SMOX: variants seen among roughly 807,000 people sequenced by gnomAD.
SMOX encodes the protein spermine oxidase.
A neutral mutation model predicts 51.0 loss-of-function variants in SMOX; 22 were observed. That is an observed-to-expected ratio of 0.43 (90% CI 0.31 to 0.62). The LOEUF (loss-of-function observed/expected upper bound fraction) is 0.62, where lower values mean the gene tolerates loss of function less well. SMOX is among the 20% of genes least tolerant of loss of function. The pLI is 0.10. For missense variants in SMOX, 566 were observed against 777.7 expected (o/e 0.73, Z 3.24); for synonymous variants, 282 against 307.8 (o/e 0.92, Z 0.88).
rs1265515043 is a variant in SMOX at position 4,148,899 on chromosome 20, G to C, written c.-105G>C. 1.3e-5 allele frequency: 2 copies of C among 153,284 alleles called. No homozygotes were observed. Among genetic ancestry groups the C allele is most frequent in the East Asian group, 3.9e-4 (2 of 5,194 alleles). 9.5% of individuals were successfully genotyped at this position (153,284 alleles called of 1,614,324 possible). On this transcript the variant is annotated 5_prime_UTR_variant, in exon 1 of 7. Transcript: ENST00000305958. Reference sequence around the variant, plus strand: ...GCTGGAGGAGGAAGCCAGGCGGCTGGCGGAGGAGGAGAGACGGAGGAGGCC... The same window carrying C: ...GCTGGAGGAGGAAGCCAGGCGGCTGCCGGAGGAGGAGAGACGGAGGAGGCC...
intron 1 of SMOX, among the ~76,000 whole-genome samples, chr20:4,150,054 C>T (rs1259936336): frequency 6.6e-6 from 1 of 152,218 alleles, no homozygotes; most frequent in East Asian, 1.9e-4. Context: ...TCCCTGTCCC[C>T]CTTTCTTCAG....
rs1380839960 is a variant in SMOX, at chr20:4,153,114, C to T, written c.-27+4137C>T. ...GGGGTCCTCGCTTGGAGTGGGTGAC[C>T]GAATTTTTCTGCTTCATGCCCCACT... On this transcript the variant is annotated intron_variant, in intron 1 of 6. Transcript: ENST00000305958. This position sits in a 1 kb window ranked among gnomAD's most constrained non-coding sequence, Gnocchi z 4.4. Among the ~76,000 whole-genome samples the T allele has an allele frequency of 1.3e-5, 2 of 152,066 alleles. No individual in the cohort carries two copies. The highest frequency in any genetic ancestry group is 2.9e-5 in the Non-Finnish European group (2 of 68,006).
chr20:4,150,558 G>A (rs1245549519), intron 1 of SMOX, among the ~76,000 whole-genome samples: 1 of 152,018 alleles, frequency 6.6e-6, no homozygotes, highest in Non-Finnish European at 1.5e-5. Context: ...TTCTCTCTCT[G>A]GTCTATTTAC....
At position 4,177,532 on chromosome 20, in the gene SMOX, G is replaced by A. The variant is rs1271844751; in HGVS notation, c.390G>A (p.Arg130=). The A allele has an allele frequency of 1.3e-6, 2 of 1,596,566 alleles. No homozygotes were observed. The highest frequency in any genetic ancestry group is 1.3e-5 in the African/African-American group (1 of 74,780). ...VACYLTNHGR[R]IPKDVVEEFS... ...GCTACCTTACCAACCACGGCCGCAG[G>A]ATCCCCAAGGACGTGGTTGAGGAAT... The change falls in exon 3 of 7, where the codon AGG becomes AGA. Residue 130 remains arginine (R), a synonymous_variant. Transcript: ENST00000305958. The surrounding 1 kb of genome is among the most constrained non-coding windows in gnomAD (Gnocchi z 4.3).
intron 1 of SMOX, among the ~76,000 whole-genome samples, chr20:4,174,752 C>T (rs922774947): frequency 2.0e-5 from 3 of 152,170 alleles, no homozygotes; most frequent in South Asian, 2.1e-4. Context: ...TGCCTGCTGG[C>T]GGGGACCCAA....
At position 4,177,252 on chromosome 20, in the gene SMOX, A is replaced by T. The variant is rs965601338; in HGVS notation, c.209-99A>T. ...TTCAAGCTCTTTCCTGCCCTGTTGT[A>T]GGGTGGAAAGACCCTCTTGGAGGAA... is the stretch of plus-strand genomic sequence containing the variant. On this transcript the variant is annotated intron_variant, in intron 2 of 6. Transcript: ENST00000305958. The surrounding 1 kb of genome is among the most constrained non-coding windows in gnomAD (Gnocchi z 4.3). 1.3e-5 allele frequency: 13 copies of T among 1,023,996 alleles called. No homozygotes were observed. The African/African-American group carries it at 2.1e-4, about 17-fold the overall frequency. 63.4% of individuals were successfully genotyped at this position (1,023,996 alleles called of 1,614,324 possible). A position where few individuals can be genotyped will look rare whatever the true frequency, so the allele number is the denominator to read the frequency against.
At chr20:4,186,690 A>G in intron 6 of SMOX, 1 of 774,218 alleles carries the variant, frequency 1.3e-6, no homozygotes, top group Non-Finnish European at 2.4e-6. Context: ...CACCCATTCC[A>G]TCACATATGA....
intron 1 of SMOX, among the ~76,000 whole-genome samples, chr20:4,159,293 G>T (rs972757615): frequency 1.1e-4 from 17 of 152,100 alleles, no homozygotes; most frequent in Non-Finnish European, 1.9e-4. Flanking sequence ...GGTATTTTTA[G>T]TGGAGACGGG....
At chr20:4,159,050 TGA>T (rs1986178305) in intron 1 of SMOX, among the ~76,000 whole-genome samples, 1 of 152,072 alleles carries the variant, frequency 6.6e-6, no homozygotes, top group Non-Finnish European at 1.5e-5. Context: ...TGCAAAACCT[TGA>T]GAGTTAATCT....
chr20:4,186,817 C>G, intron 6 of SMOX: 1 of 781,024 alleles, frequency 1.3e-6, no homozygotes, highest in Non-Finnish European at 2.4e-6. Context: ...TGGATGCTAA[C>G]AGGGGCGCCG....
At chr20:4,159,988 G>A (rs1031103623) in intron 1 of SMOX, among the ~76,000 whole-genome samples, 22 of 152,216 alleles carry the variant, frequency 1.4e-4, no homozygotes, top group Non-Finnish European at 2.2e-4. Flanking sequence ...CAGTGATCGA[G>A]GACCGTCTAG....
intron 1 of SMOX, among the ~76,000 whole-genome samples, chr20:4,158,023 C>T (rs967470971): frequency 5.3e-5 from 8 of 151,578 alleles, no homozygotes; most frequent in Non-Finnish European, 1.2e-4. Flanking sequence ...GCCTCAGCCT[C>T]CCGAGTAGCT....
At chr20:4,154,582 C>T (rs1043762160) in intron 1 of SMOX, among the ~76,000 whole-genome samples, 9 of 152,230 alleles carry the variant, frequency 5.9e-5, no homozygotes, top group Non-Finnish European at 8.8e-5. Context: ...AGGCTGGTCT[C>T]GAACTCCTGG....
At chr20:4,161,357 GC>G (rs1337546349) in intron 1 of SMOX, among the ~76,000 whole-genome samples, 4 of 152,192 alleles carry the variant, frequency 2.6e-5, no homozygotes, top group African/African-American at 9.7e-5. Context: ...TCCCAACCCT[GC>G]TGATAGCCCG....
In SMOX at chr20:4,172,433, G is replaced by C. The variant is rs1427912619; in HGVS notation, c.-26-2597G>C. On this transcript the variant is annotated intron_variant, in intron 1 of 6. Coordinates refer to ENST00000305958, the MANE Select transcript of SMOX (RefSeq NM_175839.3). The surrounding 1 kb of genome is among the most constrained non-coding windows in gnomAD (Gnocchi z 7.7). ...TCCTCACCTCTAAATTTAGTTTGCA[G>C]GAAGGAGAACCTGGGGTAGGGTGGG... Among the ~76,000 whole-genome samples the C allele has an allele frequency of 2.0e-5, 3 of 152,204 alleles. No homozygotes were observed. Among genetic ancestry groups the C allele is most frequent in the Non-Finnish European group, 4.4e-5 (3 of 68,032 alleles).
chr20:4,177,330 G>T lies in SMOX; in HGVS notation c.209-21G>T, dbSNP rs1174943356. The T allele has an allele frequency of 6.5e-7, 1 of 1,549,412 alleles. No homozygotes were observed. Among genetic ancestry groups the T allele is most frequent in the South Asian group, 1.2e-5 (1 of 84,004 alleles). On this transcript the variant is annotated intron_variant, in intron 2 of 6. Coordinates refer to ENST00000305958, the MANE Select transcript of SMOX (RefSeq NM_175839.3). The surrounding 1 kb of genome is among the most constrained non-coding windows in gnomAD (Gnocchi z 4.3). ...TGGAGAAGTCCCTAAGCCTCTAAGGGCCTGCTGTTGTCACCCTCAGGACAC... is the reference window on the plus strand; with the variant it reads ...TGGAGAAGTCCCTAAGCCTCTAAGGTCCTGCTGTTGTCACCCTCAGGACAC...
At chr20:4,174,455 C>T (rs1568740952) in intron 1 of SMOX, among the ~76,000 whole-genome samples, 1 of 151,714 alleles carries the variant, frequency 6.6e-6, no homozygotes, top group Non-Finnish European at 1.5e-5. Flanking sequence ...TGTGAGTATC[C>T]TGGGGGGTCT....
At position 4,155,628 on chromosome 20, in the gene SMOX, A is replaced by G. The variant is rs1192986274; in HGVS notation, c.-27+6651A>G. On this transcript the variant is annotated intron_variant, in intron 1 of 6. Transcript: ENST00000305958. ...AGTTTAATATTAAATATTAAAGTTA[A>G]TATTAAAACTCACATGCTAATGATG... 3.9e-5 allele frequency among the ~76,000 whole-genome samples: 6 copies of G among 152,268 alleles called. No homozygotes were observed. The East Asian group carries it at 1.2e-3, about 29-fold the overall frequency.
At chr20:4,160,290 C>T (rs1986242990) in intron 1 of SMOX, among the ~76,000 whole-genome samples, 1 of 152,210 alleles carries the variant, frequency 6.6e-6, no homozygotes, top group African/African-American at 2.4e-5. Flanking sequence ...CTCCTGCCAG[C>T]CCCAAGTGCC....
Sources: allele counts gnomAD v4.1 joint callset (sites outside exome capture counted in the v4.1 genomes callset), GRCh38; gene constraint gnomAD v4.1.1; non-coding constraint Gnocchi (gnomAD v3.1); transcripts MANE v1.5; gene names NCBI Gene and HGNC (gene_info 2026-07-23, HGNC 2026-07-21).